Variants in GPBP1 observed in about 807,000 individuals in gnomAD.
GPBP1 encodes GC-rich promoter binding protein 1.
Under a neutral mutation model 56.5 loss-of-function variants are expected in GPBP1, and 13 were observed. That is an observed-to-expected ratio of 0.23 (90% confidence interval 0.15 to 0.37). GPBP1 has a LOEUF of 0.37. GPBP1 is among the 10% of genes least tolerant of loss of function. The probability of loss-of-function intolerance (pLI) is 1.00; values close to 1 mark genes in which losing one functional copy is unlikely to be tolerated. For missense variants in GPBP1, 477 were observed against 572.3 expected (o/e 0.83, Z 1.70); for synonymous variants, 204 against 188.9 (o/e 1.08, Z -0.66).
At position 57,262,653 on chromosome 5, in the gene GPBP1, C is replaced by G; in HGVS notation, c.1323C>G (p.Phe441Leu). The G allele has an allele frequency of 1.9e-6, 3 of 1,613,674 alleles. No homozygotes were observed. The highest frequency in any genetic ancestry group is 1.1e-5 in the South Asian group (1 of 91,070). The change falls in exon 12 of 12, where the codon TTC (phenylalanine) becomes TTG (leucine). Residue 441 changes from phenylalanine (F) to leucine (L), a missense_variant. Around this residue, in one of 2 missense-constraint regions of GPBP1, gnomAD observed 63 missense variants for 114.0 expected, o/e 0.55. Coordinates refer to ENST00000506184, the MANE Select transcript of GPBP1 (RefSeq NM_022913.4). ...GILKNGLICDFKFGPWKNSTF... is the reference protein window; with the variant it reads ...GILKNGLICDLKFGPWKNSTF... ...TGAAAAATGGCTTGATCTGTGACTT[C>G]AAGTTTGGACCGTGGAAGAACAGCA...
intron 2 of GPBP1, among the ~76,000 whole-genome samples, chr5:57,209,628 T>TA (rs71287162): frequency 2.6e-5 from 4 of 152,162 alleles, no homozygotes; most frequent in Non-Finnish European, 4.4e-5. Flanking sequence ...TGGTTTTTTT[T>TA]AATAGATGCT....
chr5:57,237,487 A>AT (rs1740578418), intron 6 of GPBP1: 1 of 268,832 alleles, frequency 3.7e-6, no homozygotes, highest in Admixed American at 4.6e-5. Flanking sequence ...TGGTCTAAGG[A>AT]TTTTGAGTAC....
chr5:57,174,591 C>G (rs1315476011), intron 1 of GPBP1, among the ~76,000 whole-genome samples: 4 of 152,124 alleles, frequency 2.6e-5, no homozygotes, highest in African/African-American at 7.2e-5. Context: ...CTTCTCAGGG[C>G]TGAGGGAGTC....
At chr5:57,218,187 C>T (rs1755782890) in intron 3 of GPBP1, among the ~76,000 whole-genome samples, 1 of 152,136 alleles carries the variant, frequency 6.6e-6, no homozygotes, top group African/African-American at 2.4e-5. Flanking sequence ...CCTGGGTATC[C>T]TATAATTCAT....
intron 2 of GPBP1, among the ~76,000 whole-genome samples, chr5:57,193,028 A>G (rs1754593423): frequency 6.6e-6 from 1 of 151,854 alleles, no homozygotes; most frequent in Admixed American, 6.6e-5. Context: ...ATGTTAAAGA[A>G]ACTGTTGGCC....
chr5:57,175,831 C>T lies in GPBP1; in HGVS notation c.-627C>T, dbSNP rs1753770075. ...AAATGACTGAGTATTGCTGAAGTTT[C>T]ATGGCAGTTTATTTTTACCTTTATT... On this transcript the variant is annotated 5_prime_UTR_variant, in exon 2 of 12. Coordinates refer to ENST00000506184, the MANE Select transcript of GPBP1 (RefSeq NM_022913.4). 1 of 397,034 alleles carries T rather than the reference C, an allele frequency of 2.5e-6. No homozygotes were observed. The highest frequency in any genetic ancestry group is 4.4e-6 in the Non-Finnish European group (1 of 225,610). 24.6% of individuals were successfully genotyped at this position (397,034 alleles called of 1,614,324 possible). A position where few individuals can be genotyped will look rare whatever the true frequency, so the allele number is the denominator to read the frequency against.
In GPBP1 at chr5:57,220,549, C is replaced by T. The variant is rs528103898; in HGVS notation, c.63+6356C>T. Among the ~76,000 whole-genome samples the T allele has an allele frequency of 2.0e-5, 3 of 151,614 alleles. No individual in the cohort carries two copies. The South Asian group carries it at 6.3e-4, about 32-fold the overall frequency. ...ATCTCTGCTCACTGTAACCTCTGCC[C>T]CCCAGGTTCAAACGATTCTCCTGCC... On this transcript the variant is annotated intron_variant, in intron 3 of 11. Transcript: ENST00000506184.
intron 2 of GPBP1, among the ~76,000 whole-genome samples, chr5:57,179,958 T>C (rs1239832821): frequency 1.3e-5 from 2 of 151,684 alleles, no homozygotes; most frequent in Non-Finnish European, 2.9e-5. Flanking sequence ...GCTGCTGATA[T>C]GTTAAAATTG....
intron 6 of GPBP1, among the ~76,000 whole-genome samples, chr5:57,242,532 C>A (rs1580065256): frequency 6.6e-6 from 1 of 152,130 alleles, no homozygotes; most frequent in African/African-American, 2.4e-5. Flanking sequence ...CTTGCCCTCT[C>A]CCCCAGGCAT....
intron 2 of GPBP1, among the ~76,000 whole-genome samples, chr5:57,196,844 C>T (rs968675370): frequency 4.0e-5 from 6 of 151,888 alleles, no homozygotes; most frequent in East Asian, 1.9e-4. Context: ...TTCAGTGGCA[C>T]GATCTTGGCT....
intron 3 of GPBP1, chr5:57,221,283 G>T: frequency 1.3e-6 from 1 of 764,230 alleles, no homozygotes; most frequent in South Asian, 2.0e-5. Flanking sequence ...TTATATACCT[G>T]TGGCGCACTA....
intron 2 of GPBP1, among the ~76,000 whole-genome samples, chr5:57,207,785 T>G (rs1755297116): frequency 6.6e-6 from 1 of 152,066 alleles, no homozygotes; most frequent in Admixed American, 6.5e-5. Flanking sequence ...TGACCTGGGC[T>G]CTCCTCTGAC....
At chr5:57,181,646 C>A (rs1173389633) in intron 2 of GPBP1, among the ~76,000 whole-genome samples, 1 of 152,072 alleles carries the variant, frequency 6.6e-6, no homozygotes, top group African/African-American at 2.4e-5. Context: ...TCTTTTCAAA[C>A]TCCTGACCTC....
intron 2 of GPBP1, among the ~76,000 whole-genome samples, chr5:57,210,386 A>T (rs1755423481): frequency 6.6e-6 from 1 of 152,228 alleles, no homozygotes; most frequent in Non-Finnish European, 1.5e-5. Context: ...CTTTATGTCC[A>T]CATGGGACCT....
rs1273971262 is a variant in GPBP1 at position 57,175,434 on chromosome 5, T to C, written c.-1010-14T>C. The C allele has an allele frequency of 5.0e-6, 2 of 398,560 alleles. No homozygotes were observed. Among genetic ancestry groups the C allele is most frequent in the Non-Finnish European group, 8.8e-6 (2 of 226,038 alleles). 24.7% of individuals were successfully genotyped at this position (398,560 alleles called of 1,614,324 possible). ...TCAAAACTCAGTATATAATTTTTTT[T>C]ATAACTTTTACAGGTGATTGAATTA... On this transcript the variant is annotated splice_polypyrimidine_tract_variant and intron_variant, in intron 1 of 11. Coordinates refer to ENST00000506184, the MANE Select transcript of GPBP1 (RefSeq NM_022913.4).
At chr5:57,216,727 A>G (rs1337212561) in intron 3 of GPBP1, among the ~76,000 whole-genome samples, 1 of 152,166 alleles carries the variant, frequency 6.6e-6, no homozygotes, top group Non-Finnish European at 1.5e-5. Flanking sequence ...TCTGAAAATT[A>G]TTCTAAGGGC....
intron 2 of GPBP1, among the ~76,000 whole-genome samples, chr5:57,186,009 A>C (rs1754269913): frequency 6.6e-6 from 1 of 151,958 alleles, no homozygotes; most frequent in Non-Finnish European, 1.5e-5. Flanking sequence ...AGAATTCTTC[A>C]TGTATTTTGG....
chr5:57,261,158 C>T (rs1741878487), intron 10 of GPBP1, 22 bp from the exon 11 acceptor site: 2 of 1,490,690 alleles, frequency 1.3e-6, no homozygotes, highest in African/African-American at 2.8e-5. Context: ...TTACATTAAA[C>T]TTAATTTCCT....
chr5:57,211,224 C>G (rs972163904), intron 2 of GPBP1, among the ~76,000 whole-genome samples: 4 of 151,212 alleles, frequency 2.6e-5, no homozygotes, highest in Non-Finnish European at 5.9e-5. Context: ...AGGATCTTCT[C>G]TGTCACCTGG....
Sources: gnomAD v4.1 joint callset for allele counts (sites outside exome capture counted in the v4.1 genomes callset) on GRCh38, gnomAD v4.1.1 for gene constraint, gnomAD v4.1.1 regional missense constraint, MANE v1.5 for transcripts, NCBI Gene and HGNC (gene_info 2026-07-23, HGNC 2026-07-21) for gene names.